The following AHCYL2 variants were observed in gnomAD, a reference collection of about 807,000 sequenced individuals.
The protein encoded by AHCYL2 is S-adenosylhomocysteine hydrolase-like protein 2.
Under a neutral mutation model 81.4 loss-of-function variants are expected in AHCYL2, and 28 were observed. That is an observed-to-expected ratio of 0.34 (90% confidence interval 0.25 to 0.47). The LOEUF is 0.47. Among genes scored for constraint, AHCYL2 ranks in the 20% least tolerant of loss-of-function variants. AHCYL2 has a pLI of 1.00. For missense variants in AHCYL2, 551 were observed against 785.1 expected, an observed-to-expected ratio of 0.70 and a Z score of 3.56; for synonymous variants, 272 against 290.2, an observed-to-expected ratio of 0.94 and a Z score of 0.64.
intron 1 of AHCYL2, among the ~76,000 whole-genome samples, chr7:129,371,422 G>A (rs116973347): frequency 0.018 from 2,741 of 152,250 alleles, 47 homozygotes; most frequent in Non-Finnish European, 0.028. Flanking sequence ...GAAATAAGCC[G>A]GGATGAAGCC....
At chr7:129,394,440 C>CTTTTTTTTTTT (rs35797517) in intron 4 of AHCYL2, among the ~76,000 whole-genome samples, 1 of 45,738 alleles carries the variant, frequency 2.2e-5, no homozygotes, top group Non-Finnish European at 4.0e-5. Context: ...TTGTATTTGA[C>CTTTTTTTTTTT]TTTTTTTTTT....
intron 12 of AHCYL2, 92 bp from the exon 13 acceptor site, chr7:129,422,748 A>C: frequency 8.9e-7 from 1 of 1,124,558 alleles, no homozygotes; most frequent in East Asian, 2.4e-5. Flanking sequence ...GCTCCTTTCA[A>C]CCTGCTATTT....
chr7:129,259,601 G>T (rs1795548587), intron 1 of AHCYL2, among the ~76,000 whole-genome samples: 1 of 152,150 alleles, frequency 6.6e-6, no homozygotes, highest in Non-Finnish European at 1.5e-5. Context: ...AGGCTTGTAA[G>T]CGAGAAGCTT....
At chr7:129,237,364 T>C (rs892159558) in intron 1 of AHCYL2, among the ~76,000 whole-genome samples, 2 of 149,540 alleles carry the variant, frequency 1.3e-5, no homozygotes, top group African/African-American at 4.8e-5. Flanking sequence ...TGGTTTGTTC[T>C]CTGATTGTTT....
At chr7:129,411,498 G>T (rs946560101) in intron 11 of AHCYL2, among the ~76,000 whole-genome samples, 4 of 152,044 alleles carry the variant, frequency 2.6e-5, no homozygotes, top group African/African-American at 9.7e-5. Context: ...GGTGGCTCAC[G>T]CCTGTAATCC....
chr7:129,403,860 C>CAAAAAAAAAAAAAAAAAAAAAAA (rs34806455), intron 7 of AHCYL2, among the ~76,000 whole-genome samples: 1 of 80,200 alleles, frequency 1.2e-5, no homozygotes, highest in Admixed American at 1.5e-4. Context: ...GACTCCATCT[C>CAAAAAAAAAAAAAAAAAAAAAAA]AAAAAAAAAA....
intron 1 of AHCYL2, among the ~76,000 whole-genome samples, chr7:129,320,806 C>A (rs1038957970): frequency 1.3e-5 from 2 of 152,204 alleles, no homozygotes; most frequent in Non-Finnish European, 2.9e-5. Context: ...CAGCCCCTGG[C>A]AACCACTAAC....
chr7:129,391,732 G>A (rs1011307009), intron 4 of AHCYL2, among the ~76,000 whole-genome samples: 4 of 152,166 alleles, frequency 2.6e-5, no homozygotes, highest in African/African-American at 9.7e-5. Flanking sequence ...CTCTCCCAAA[G>A]CACAACACTT....
intron 12 of AHCYL2, 46 bp from the exon 13 acceptor site, chr7:129,422,794 G>A: frequency 1.3e-6 from 2 of 1,568,574 alleles, no homozygotes; most frequent in Non-Finnish European, 1.8e-6. Context: ...TGTTCCCACA[G>A]TGGGGCTTGC....
At chr7:129,394,347 C>T (rs1160735974) in intron 4 of AHCYL2, among the ~76,000 whole-genome samples, 1 of 149,486 alleles carries the variant, frequency 6.7e-6, no homozygotes, top group African/African-American at 2.5e-5. Context: ...TTCAGGTTCA[C>T]TGATTCTGTC....
intron 1 of AHCYL2, among the ~76,000 whole-genome samples, chr7:129,285,242 G>A (rs938886850): frequency 6.6e-6 from 1 of 152,184 alleles, no homozygotes; most frequent in African/African-American, 2.4e-5. Context: ...GGTTAGGGCT[G>A]CATTCTTTTC....
At chr7:129,373,489 AC>A (rs1203571221) in intron 1 of AHCYL2, among the ~76,000 whole-genome samples, 3 of 151,858 alleles carry the variant, frequency 2.0e-5, no homozygotes, top group Non-Finnish European at 1.5e-5. Context: ...AGTCCCAGCT[AC>A]TCGGGAGACT....
intron 1 of AHCYL2, among the ~76,000 whole-genome samples, chr7:129,355,785 T>C (rs1390557120): frequency 6.6e-6 from 1 of 152,170 alleles, no homozygotes; most frequent in African/African-American, 2.4e-5. Flanking sequence ...ATTTTACCCT[T>C]GGATGTAAAA....
intron 6 of AHCYL2, among the ~76,000 whole-genome samples, chr7:129,401,538 C>T (rs972656791): frequency 1.3e-5 from 2 of 152,146 alleles, no homozygotes; most frequent in African/African-American, 4.8e-5. Context: ...TAGCTTCTTT[C>T]TGAATTCTGT....
intron 1 of AHCYL2, among the ~76,000 whole-genome samples, chr7:129,314,601 C>T (rs1330910169): frequency 6.6e-6 from 1 of 152,200 alleles, no homozygotes; most frequent in Non-Finnish European, 1.5e-5. Flanking sequence ...GATGAGAGAG[C>T]TCTCAGCTCT....
intron 1 of AHCYL2, among the ~76,000 whole-genome samples, chr7:129,277,000 AAT>A (rs888989849): frequency 6.6e-6 from 1 of 152,102 alleles, no homozygotes; most frequent in Non-Finnish European, 1.5e-5. Flanking sequence ...CGTTGTGAAA[AAT>A]ATATATAACT....
At chr7:129,410,304 G>A (rs1023714250) in intron 11 of AHCYL2, 30 of 1,613,914 alleles carry the variant, frequency 1.9e-5, no homozygotes, top group Middle Eastern at 1.6e-4. Flanking sequence ...AGGTCCTTTC[G>A]AATGTTCTCA....
intron 1 of AHCYL2, among the ~76,000 whole-genome samples, chr7:129,358,175 C>T (rs1231227663): frequency 6.6e-6 from 1 of 151,918 alleles, no homozygotes; most frequent in African/African-American, 2.4e-5. Context: ...GGGCGGATCA[C>T]GAGGTCAGGA....
In AHCYL2 at chr7:129,356,315, A is replaced by G. The variant is rs138125648; in HGVS notation, c.364-23323A>G. Among the ~76,000 whole-genome samples the G allele has an allele frequency of 4.7e-3, 710 of 152,284 alleles. 3 individuals are homozygous for G. The highest frequency in any genetic ancestry group is 7.6e-3 in the Non-Finnish European group (519 of 68,006). ...CATATTTTTATCACATTCTGCAGACATATTACTGCCCTACTTAGAAACTTT... is the reference window on the plus strand; with the variant it reads ...CATATTTTTATCACATTCTGCAGACGTATTACTGCCCTACTTAGAAACTTT... On this transcript the variant is annotated intron_variant, in intron 1 of 16. Coordinates refer to ENST00000325006, the MANE Select transcript of AHCYL2 (RefSeq NM_015328.4).
Sources: gnomAD v4.1 joint callset for allele counts (sites outside exome capture counted in the v4.1 genomes callset) on GRCh38, gnomAD v4.1.1 for gene constraint, MANE v1.5 for transcripts, NCBI Gene and HGNC (gene_info 2026-07-23, HGNC 2026-07-21) for gene names.